Variants in ARHGAP24 observed in about 807,000 individuals in gnomAD.
ARHGAP24 encodes Rho GTPase activating protein 24.
A neutral mutation model predicts 76.4 loss-of-function variants in ARHGAP24; 50 were observed. The ratio of observed to expected loss-of-function variants is 0.65; its 90% CI spans 0.52 to 0.83. The LOEUF is 0.83. Among genes scored for constraint, ARHGAP24 ranks in the 40% least tolerant of loss-of-function variants. The pLI is 0.00. For missense variants in ARHGAP24, 930 were observed against 914.2 expected (o/e 1.02, Z -0.22); for synonymous variants, 345 against 323.3 (o/e 1.07, Z -0.72).
intron 2 of ARHGAP24, among the ~76,000 whole-genome samples, chr4:85,677,384 T>C (rs540114218): frequency 6.6e-6 from 1 of 152,326 alleles, no homozygotes; most frequent in South Asian, 2.1e-4. Flanking sequence ...AGCCGGTACC[T>C]CCCTGCTGTC....
At chr4:85,532,667 G>A (rs752355414) in intron 1 of ARHGAP24, among the ~76,000 whole-genome samples, 10 of 152,066 alleles carry the variant, frequency 6.6e-5, no homozygotes, top group South Asian at 2.1e-4. Flanking sequence ...GTGAACATTC[G>A]AGCAGTTATC....
intron 3 of ARHGAP24, among the ~76,000 whole-genome samples, chr4:85,830,310 C>T (rs1427047955): frequency 6.6e-6 from 1 of 152,210 alleles, no homozygotes; most frequent in African/African-American, 2.4e-5. Flanking sequence ...ACTGCCCACT[C>T]TCTGAGCAGA....
At chr4:85,583,681 G>C (rs546501384) in intron 2 of ARHGAP24, among the ~76,000 whole-genome samples, 4 of 149,916 alleles carry the variant, frequency 2.7e-5, no homozygotes, top group African/African-American at 9.8e-5. Flanking sequence ...GAAAATTTTC[G>C]CAACCTACTC....
chr4:85,972,498 A>G (rs1032640177), intron 6 of ARHGAP24: 1 of 314,110 alleles, frequency 3.2e-6, no homozygotes, highest in Non-Finnish European at 6.1e-6. Flanking sequence ...AATCGTGTGG[A>G]CCCAAACCAC....
intron 8 of ARHGAP24, chr4:85,990,281 T>C (rs1740244487): frequency 6.6e-6 from 1 of 151,544 alleles, no homozygotes; most frequent in Non-Finnish European, 1.5e-5. Flanking sequence ...AACAAACAAA[T>C]AAGAACTACA....
intron 3 of ARHGAP24, among the ~76,000 whole-genome samples, chr4:85,735,263 T>TA (rs905033660): frequency 3.3e-5 from 5 of 152,024 alleles, no homozygotes; most frequent in African/African-American, 4.8e-5. Context: ...TCTGAGTTTA[T>TA]AAAAAAAATA....
At chr4:85,792,590 C>T (rs1728178177) in intron 3 of ARHGAP24, among the ~76,000 whole-genome samples, 1 of 152,226 alleles carries the variant, frequency 6.6e-6, no homozygotes, top group South Asian at 2.1e-4. Context: ...CCCTGAAATC[C>T]AGCCTATGGA....
chr4:85,653,203 C>A (rs978547514), intron 2 of ARHGAP24, among the ~76,000 whole-genome samples: 1 of 152,044 alleles, frequency 6.6e-6, no homozygotes, highest in African/African-American at 2.4e-5. Context: ...TTCTATTACA[C>A]AAAAACTGAA....
chr4:85,994,910 T>C lies in ARHGAP24; in HGVS notation c.1256T>C (p.Met419Thr). ...GATGTGTCTAGAAGCCCCCCTCTCA[T>C]GGTCAAAAAGAACCCAGCCTTTAAT... ...KLDVSRSPPL[M>T]VKKNPAFNKG... The change falls in exon 9 of 10, where the codon ATG (methionine) becomes ACG (threonine). Residue 419 changes from methionine (M) to threonine (T), a missense_variant. Physicochemically the swap from Met to Thr is moderately conservative, Grantham distance 81. Transcript: ENST00000395184. 1.2e-6 allele frequency: 2 copies of C among 1,614,028 alleles called. No individual in the cohort carries two copies. The highest frequency in any genetic ancestry group is 1.3e-5 in the African/African-American group (1 of 74,996).
intron 4 of ARHGAP24, among the ~76,000 whole-genome samples, chr4:85,940,591 C>A (rs575765976): frequency 2.4e-4 from 37 of 152,086 alleles, no homozygotes; most frequent in Non-Finnish European, 4.3e-4. Flanking sequence ...GTGTGAGTGT[C>A]TGTTGGAGTT....
chr4:85,657,937 T>A (rs975725163), intron 2 of ARHGAP24, among the ~76,000 whole-genome samples: 7 of 152,292 alleles, frequency 4.6e-5, no homozygotes, highest in African/African-American at 1.7e-4. Context: ...GTATTTTTAG[T>A]GGAGATGAAG....
chr4:85,894,847 G>C (rs1168696254), intron 3 of ARHGAP24, among the ~76,000 whole-genome samples: 1 of 150,962 alleles, frequency 6.6e-6, no homozygotes, highest in Non-Finnish European at 1.5e-5. Context: ...TGTAATCCCA[G>C]TTACTCAGGA....
chr4:85,961,333 A>G (rs899626427), intron 5 of ARHGAP24, among the ~76,000 whole-genome samples: 2 of 152,038 alleles, frequency 1.3e-5, no homozygotes, highest in African/African-American at 4.8e-5. Context: ...GTGGACTTGA[A>G]TGATTTTGGC....
intron 2 of ARHGAP24, among the ~76,000 whole-genome samples, chr4:85,665,123 C>A (rs1348983462): frequency 6.6e-6 from 1 of 152,062 alleles, no homozygotes; most frequent in African/African-American, 2.4e-5. Context: ...GTGTTAAAGT[C>A]TCCCATTATT....
At chr4:85,770,933 G>A (rs1435783852) in intron 3 of ARHGAP24, among the ~76,000 whole-genome samples, 1 of 152,174 alleles carries the variant, frequency 6.6e-6, no homozygotes, top group African/African-American at 2.4e-5. Flanking sequence ...TTAGTTGGGT[G>A]TTCATTAATA....
At chr4:85,692,964 A>G (rs1479471249) in intron 2 of ARHGAP24, among the ~76,000 whole-genome samples, 2 of 152,164 alleles carry the variant, frequency 1.3e-5, no homozygotes, top group African/African-American at 4.8e-5. Flanking sequence ...GAGTATAGTC[A>G]ATTGTATTCA....
chr4:85,838,586 G>A (rs139956752), intron 3 of ARHGAP24, among the ~76,000 whole-genome samples: 113 of 152,282 alleles, frequency 7.4e-4, no homozygotes, highest in African/African-American at 2.6e-3. Context: ...GCGACAGAGC[G>A]AGACTCTGTC....
At chr4:85,641,918 T>G (rs902454763) in intron 2 of ARHGAP24, among the ~76,000 whole-genome samples, 1 of 152,162 alleles carries the variant, frequency 6.6e-6, no homozygotes, top group Non-Finnish European at 1.5e-5. Context: ...AGAGGCATGA[T>G]TGATAACCAT....
chr4:85,663,797 T>G (rs1297262751), intron 2 of ARHGAP24, among the ~76,000 whole-genome samples: 2 of 151,762 alleles, frequency 1.3e-5, no homozygotes, highest in Non-Finnish European at 2.9e-5. Flanking sequence ...TTGTCTTTGG[T>G]TCTGTTTATA....
Sources: allele counts gnomAD v4.1 joint callset (sites outside exome capture counted in the v4.1 genomes callset), GRCh38; gene constraint gnomAD v4.1.1; transcripts MANE v1.5; gene names NCBI Gene and HGNC (gene_info 2026-07-23, HGNC 2026-07-21).